Variants in KPNA1 observed in about 807,000 individuals in gnomAD.
The protein encoded by KPNA1 is karyopherin subunit alpha 1, also known as importin subunit alpha-5.
A neutral mutation model predicts 70.5 loss-of-function variants in KPNA1; 10 were observed. That is an observed-to-expected ratio of 0.14 (90% confidence interval 0.09 to 0.24). KPNA1 has a LOEUF of 0.24. Among genes scored for constraint, KPNA1 ranks in the 10% least tolerant of loss-of-function variants. KPNA1 has a pLI of 1.00. For missense variants in KPNA1, 397 were observed against 637.9 expected (o/e 0.62, Z 4.07); for synonymous variants, 192 against 221.9 (o/e 0.87, Z 1.20).
chr3:122,483,360 T>C (rs1331471192), intron 2 of KPNA1: 1 of 155,920 alleles, frequency 6.4e-6, no homozygotes, highest in East Asian at 1.9e-4. Context: ...TTTGTTTTTT[T>C]TAAATTGGAG....
Position 122,437,311 on chromosome 3 carries a change from T to C in KPNA1, c.997-16A>G. Reference sequence around the variant, plus strand: ...TCAGAATTACCTAAAAGAAAAAGTTTGAAAATTTTACTTATTGTATTGTTC... The same window carrying C: ...TCAGAATTACCTAAAAGAAAAAGTTCGAAAATTTTACTTATTGTATTGTTC... On this transcript the variant is annotated splice_polypyrimidine_tract_variant and intron_variant, in intron 10 of 13. Transcript: ENST00000344337. The C allele has an allele frequency of 6.3e-7, 1 of 1,578,856 alleles. No homozygotes were observed. The highest frequency in any genetic ancestry group is 8.6e-7 in the Non-Finnish European group (1 of 1,162,558).
At chr3:122,453,005 G>A (rs1046312066) in intron 6 of KPNA1, among the ~76,000 whole-genome samples, 3 of 152,110 alleles carry the variant, frequency 2.0e-5, no homozygotes, top group Non-Finnish European at 2.9e-5. Context: ...GGAGTGCGGT[G>A]GTGTGATATC....
At chr3:122,429,447 A>AAAC (rs2075869656) in intron 12 of KPNA1, among the ~76,000 whole-genome samples, 2 of 36,220 alleles carry the variant, frequency 5.5e-5, no homozygotes, top group Non-Finnish European at 1.1e-4. Context: ...ACTCTGTCTC[A>AAAC]AAAAAAAAAA....
At chr3:122,427,799 T>A in intron 12 of KPNA1, 83 bp from the exon 13 acceptor site, 1 of 854,512 alleles carries the variant, frequency 1.2e-6, no homozygotes, top group Non-Finnish European at 1.7e-6. Context: ...ATCCTCAACT[T>A]CACTGCAGAG....
chr3:122,502,921 C>A (rs997353963), intron 1 of KPNA1, among the ~76,000 whole-genome samples: 2 of 152,064 alleles, frequency 1.3e-5, no homozygotes, highest in African/African-American at 4.8e-5. Context: ...TTTGTAGCGA[C>A]CCTGTCTCCA....
At chr3:122,497,303 A>T (rs924671873) in intron 1 of KPNA1, among the ~76,000 whole-genome samples, 3 of 152,208 alleles carry the variant, frequency 2.0e-5, no homozygotes, top group African/African-American at 7.2e-5. Context: ...CATTCTATAT[A>T]TATACCCAAT....
At chr3:122,428,145 AAAGT>A (rs1417028748) in intron 12 of KPNA1, among the ~76,000 whole-genome samples, 3 of 152,240 alleles carry the variant, frequency 2.0e-5, no homozygotes, top group Non-Finnish European at 4.4e-5. Flanking sequence ...GAATTTTAGT[AAAGT>A]AAGTTGTGGG....
chr3:122,499,686 C>G (rs558272111), intron 1 of KPNA1, among the ~76,000 whole-genome samples: 2 of 151,214 alleles, frequency 1.3e-5, no homozygotes, highest in South Asian at 4.2e-4. Flanking sequence ...TTGAGTCCAG[C>G]AGTTGCAGGC....
chr3:122,466,927 G>A (rs575426183), intron 3 of KPNA1, among the ~76,000 whole-genome samples: 1 of 151,952 alleles, frequency 6.6e-6, no homozygotes, highest in African/African-American at 2.4e-5. Context: ...CTTAAGCCCA[G>A]GAGTTCGAGG....
intron 1 of KPNA1, chr3:122,514,338 CCT>C (rs1325811577): frequency 6.5e-6 from 1 of 152,716 alleles, no homozygotes; most frequent in Non-Finnish European, 1.5e-5. Flanking sequence ...CTCCTTCCTG[CCT>C]CTGTCACAGC....
intron 2 of KPNA1, among the ~76,000 whole-genome samples, chr3:122,490,554 C>G (rs761539487): frequency 1.5e-4 from 23 of 152,304 alleles, no homozygotes; most frequent in Middle Eastern, 6.8e-3. Flanking sequence ...GAGCTAGGAG[C>G]TAGTTCAAGT....
chr3:122,452,790 G>A (rs1428465340), intron 6 of KPNA1, among the ~76,000 whole-genome samples: 3 of 151,358 alleles, frequency 2.0e-5, no homozygotes, highest in Non-Finnish European at 2.9e-5. Context: ...ATGGAGAGAC[G>A]GAGAGAAAGA....
chr3:122,484,661 A>T (rs569303735), intron 2 of KPNA1, among the ~76,000 whole-genome samples: 44 of 151,946 alleles, frequency 2.9e-4, no homozygotes, highest in African/African-American at 9.6e-4. Context: ...ATAATAATAA[A>T]AAAAATAAAT....
At chr3:122,505,436 T>C (rs1028540199) in intron 1 of KPNA1, among the ~76,000 whole-genome samples, 1 of 152,014 alleles carries the variant, frequency 6.6e-6, no homozygotes, top group African/African-American at 2.4e-5. Flanking sequence ...AGAAAGGAAA[T>C]AAATCTCTAT....
At position 122,423,465 on chromosome 3, in the gene KPNA1, A is replaced by C. The variant is rs1451606994; in HGVS notation, c.*3520T>G. 1 of 152,340 alleles carries C rather than the reference A, an allele frequency of 6.6e-6. No individual in the cohort carries two copies. Among genetic ancestry groups the C allele is most frequent in the African/African-American group, 2.4e-5 (1 of 41,448 alleles). 9.4% of individuals were successfully genotyped at this position (152,340 alleles called of 1,614,324 possible). A position where few individuals can be genotyped will look rare whatever the true frequency, so the allele number is the denominator to read the frequency against. On this transcript the variant is annotated 3_prime_UTR_variant, in exon 14 of 14. Transcript: ENST00000344337. ...CTTTTCTTCACTGAACATCATCCTT[A>C]GACACCACAATTTCCAATATACTTA...
chr3:122,508,518 G>T (rs565331785), intron 1 of KPNA1, among the ~76,000 whole-genome samples: 51 of 152,308 alleles, frequency 3.3e-4, no homozygotes, highest in Non-Finnish European at 5.6e-4. Context: ...CAATGCAGGT[G>T]AGGGTGGGGG....
At chr3:122,429,930 TTTTTA>T (rs2107714843) in intron 12 of KPNA1, among the ~76,000 whole-genome samples, 1 of 152,276 alleles carries the variant, frequency 6.6e-6, no homozygotes, top group African/African-American at 2.4e-5. Flanking sequence ...TAGGCTTTCT[TTTTTA>T]ATTATTTTTT....
intron 12 of KPNA1, among the ~76,000 whole-genome samples, chr3:122,428,723 T>C (rs574838323): frequency 2.0e-5 from 3 of 152,254 alleles, no homozygotes; most frequent in South Asian, 2.1e-4. Context: ...ATTAAATAAA[T>C]TGAATCATTA....
chr3:122,507,339 G>A (rs2076901299), intron 1 of KPNA1, among the ~76,000 whole-genome samples: 1 of 151,460 alleles, frequency 6.6e-6, no homozygotes, highest in Non-Finnish European at 1.5e-5. Flanking sequence ...TACTCGGGAG[G>A]TTGAGGCAGG....
Sources: gnomAD v4.1 joint callset for allele counts (sites outside exome capture counted in the v4.1 genomes callset) on GRCh38, gnomAD v4.1.1 for gene constraint, MANE v1.5 for transcripts, NCBI Gene and HGNC (gene_info 2026-07-23, HGNC 2026-07-21) for gene names.